LRP1B: variants seen among roughly 807,000 people sequenced by gnomAD.
The protein encoded by LRP1B is LDL receptor related protein 1B.
A neutral mutation model predicts 556.6 loss-of-function variants in LRP1B; 217 were observed. The ratio of observed to expected loss-of-function variants is 0.39; its 90% CI spans 0.35 to 0.44. The LOEUF is 0.44. Among genes scored for constraint, LRP1B ranks in the 20% least tolerant of loss-of-function variants. The pLI, the probability that LRP1B is intolerant of heterozygous loss-of-function variation, is 1.00. For missense variants in LRP1B, 5,053 were observed against 5,620.8 expected, an observed-to-expected ratio of 0.90 and a Z score of 3.23; for synonymous variants, 2,047 against 1,865.8, an observed-to-expected ratio of 1.10 and a Z score of -2.50.
chr2:141,855,813 G>T (rs1277959122), intron 1 of LRP1B, among the ~76,000 whole-genome samples: 1 of 151,998 alleles, frequency 6.6e-6, no homozygotes, highest in Non-Finnish European at 1.5e-5. Context: ...TTATTTCTTG[G>T]AATAAAACAA....
At chr2:141,972,212 C>T (rs1030891552) in intron 1 of LRP1B, among the ~76,000 whole-genome samples, 1 of 151,246 alleles carries the variant, frequency 6.6e-6, no homozygotes, top group African/African-American at 2.4e-5. Flanking sequence ...ATGATTCCAC[C>T]AAGATGGTTG....
intron 37 of LRP1B, among the ~76,000 whole-genome samples, chr2:140,714,567 C>A (rs2105457763): frequency 1.3e-5 from 2 of 152,160 alleles, no homozygotes; most frequent in South Asian, 4.1e-4. Flanking sequence ...ACAAGAGGTT[C>A]TATATAATAT....
chr2:141,643,403 T>C (rs1689420547), intron 2 of LRP1B, among the ~76,000 whole-genome samples: 1 of 152,186 alleles, frequency 6.6e-6, no homozygotes, highest in South Asian at 2.1e-4. Flanking sequence ...GGAATATACA[T>C]ATTTAAGATA....
intron 32 of LRP1B, among the ~76,000 whole-genome samples, chr2:140,797,799 A>G (rs1690370310): frequency 6.6e-6 from 1 of 152,186 alleles, no homozygotes; most frequent in African/African-American, 2.4e-5. Flanking sequence ...GGCACTTAAA[A>G]AAGAAAAAAA....
At chr2:141,056,573 G>GC in intron 9 of LRP1B, among the ~76,000 whole-genome samples, 1 of 151,990 alleles carries the variant, frequency 6.6e-6, no homozygotes, top group East Asian at 1.9e-4. Context: ...GCTTCATGCT[G>GC]CTAAATCCTA....
intron 11 of LRP1B, among the ~76,000 whole-genome samples, chr2:141,022,844 T>A (rs6429857): frequency 0.59 from 89,416 of 151,700 alleles, 26,719 homozygotes; most frequent in Admixed American, 0.66. Context: ...GTATTCTACA[T>A]TATAAAATTC....
chr2:140,613,370 A>AATATATATATAATTATATACACATAAAT lies in LRP1B; in HGVS notation c.6800-11732_6800-11731insATTTATGTGTATATAATTATATATATAT, dbSNP rs796568812. 4.7e-5 allele frequency among the ~76,000 whole-genome samples: 4 copies of AATATATATATAATTATATACACATAAAT among 84,732 alleles called. No individual in the cohort carries two copies. In the East Asian group the frequency reaches 1.4e-3, roughly 29 times the overall value. 55.6% of individuals were successfully genotyped at this position (84,732 alleles called of 152,430 possible). ...AAATATAAATAATTATATAAATATA[A>AATATATATATAATTATATACACATAAAT]ATATATATAATTATATACATATAAA... On this transcript the variant is annotated intron_variant, in intron 41 of 90. Transcript: ENST00000389484.
intron 83 of LRP1B, among the ~76,000 whole-genome samples, chr2:140,305,566 G>A (rs143796905): frequency 0.02 from 3,097 of 152,212 alleles, 39 homozygotes; most frequent in African/African-American, 0.028. Context: ...AGAAAATGGG[G>A]TTTTCTAAAT....
At chr2:140,480,022 T>C (rs1688167988) in intron 59 of LRP1B, among the ~76,000 whole-genome samples, 1 of 152,210 alleles carries the variant, frequency 6.6e-6, no homozygotes, top group Non-Finnish European at 1.5e-5. Flanking sequence ...TACTCATTCA[T>C]CAGTCTTCTT....
Position 141,554,288 on chromosome 2 carries a change from T to C in LRP1B, c.206-73755A>G, listed in dbSNP as rs191568657. 4.3e-3 allele frequency among the ~76,000 whole-genome samples: 623 copies of C among 145,592 alleles called. 15 individuals are homozygous for C. Among genetic ancestry groups the C allele is most frequent in the Non-Finnish European group, 3.5e-3 (236 of 66,640 alleles). On this transcript the variant is annotated intron_variant, in intron 2 of 90. Coordinates refer to ENST00000389484, the MANE Select transcript of LRP1B (RefSeq NM_018557.3). Reference sequence around the variant, plus strand: ...TTATATATATCTATAGGAATAGACATAGATATAGATTATATATATCTATAG... The same window carrying C: ...TTATATATATCTATAGGAATAGACACAGATATAGATTATATATATCTATAG...
intron 18 of LRP1B, among the ~76,000 whole-genome samples, chr2:140,954,788 C>A (rs1695823769): frequency 6.6e-6 from 1 of 151,878 alleles, no homozygotes. Context: ...AATTATATAT[C>A]ATATGTGATT....
chr2:141,455,575 T>A (rs567547496), intron 3 of LRP1B, among the ~76,000 whole-genome samples: 1 of 151,990 alleles, frequency 6.6e-6, no homozygotes, highest in East Asian at 1.9e-4. Context: ...GGGACAGGGG[T>A]AGGAGCAAGT....
intron 65 of LRP1B, among the ~76,000 whole-genome samples, chr2:140,443,590 G>A (rs4447563): frequency 0.57 from 86,941 of 152,066 alleles, 25,117 homozygotes; most frequent in East Asian, 0.73. Flanking sequence ...TGTTGACAGC[G>A]GTTCTGTTGA....
At chr2:140,627,539 C>T (rs765076252) in intron 41 of LRP1B, among the ~76,000 whole-genome samples, 2 of 152,208 alleles carry the variant, frequency 1.3e-5, no homozygotes, top group African/African-American at 2.4e-5. Context: ...ACTGCACTGT[C>T]AGCTTCCCTA....
At chr2:140,450,484 T>C in intron 63 of LRP1B, 84 bp downstream of exon 63, 1 of 1,002,016 alleles carries the variant, frequency 1.0e-6, no homozygotes, top group Non-Finnish European at 1.5e-6. Context: ...CAGAAGGCAA[T>C]ACTTTAGGTG....
chr2:140,729,372 G>T (rs1687698738), intron 35 of LRP1B, among the ~76,000 whole-genome samples: 1 of 152,066 alleles, frequency 6.6e-6, no homozygotes, highest in Non-Finnish European at 1.5e-5. Context: ...ACTAGAAATT[G>T]CCTATGCTTA....
At chr2:140,432,505 A>G (rs1353008781) in intron 66 of LRP1B, among the ~76,000 whole-genome samples, 1 of 152,186 alleles carries the variant, frequency 6.6e-6, no homozygotes, top group Non-Finnish European at 1.5e-5. Flanking sequence ...ATTTCCTAAT[A>G]GCCAGTTATT....
intron 32 of LRP1B, among the ~76,000 whole-genome samples, chr2:140,782,568 T>A (rs1251973398): frequency 1.3e-5 from 2 of 152,126 alleles, no homozygotes; most frequent in Admixed American, 1.3e-4. Context: ...TGTCAAGCCA[T>A]CCAGTCTGTG....
At chr2:140,466,848 G>T (rs1397374492) in intron 60 of LRP1B, among the ~76,000 whole-genome samples, 1 of 152,056 alleles carries the variant, frequency 6.6e-6, no homozygotes, top group East Asian at 1.9e-4. Context: ...AGTATTTTCA[G>T]CCTTTTCTTT....
Sources: allele counts gnomAD v4.1 joint callset (sites outside exome capture counted in the v4.1 genomes callset), GRCh38; gene constraint gnomAD v4.1.1; transcripts MANE v1.5; gene names NCBI Gene and HGNC (gene_info 2026-07-23, HGNC 2026-07-21).